The following ERC2 variants were observed in gnomAD, a reference collection of about 807,000 sequenced individuals.
The protein encoded by ERC2 is ELKS/RAB6-interacting/CAST family member 2, also known as ERC protein 2.
In ERC2, 42 loss-of-function variants were observed where a neutral mutation model predicts 114.8. That is an observed-to-expected ratio of 0.37 (90% confidence interval 0.29 to 0.47). The LOEUF is 0.47. ERC2 is among the 20% of genes least tolerant of loss of function. The pLI, the probability that ERC2 is intolerant of heterozygous loss-of-function variation, is 0.99. For missense variants in ERC2, 939 were observed against 1,150.7 expected, an observed-to-expected ratio of 0.82 and a Z score of 2.66; for synonymous variants, 454 against 425.5, an observed-to-expected ratio of 1.07 and a Z score of -0.82.
At chr3:56,368,807 T>C (rs998017929) in intron 2 of ERC2, among the ~76,000 whole-genome samples, 1 of 151,846 alleles carries the variant, frequency 6.6e-6, no homozygotes, top group Admixed American at 6.6e-5. Context: ...TTCTTGTCTA[T>C]TGAGAAAAAA....
intron 3 of ERC2, among the ~76,000 whole-genome samples, chr3:56,248,046 C>A (rs2051841956): frequency 6.6e-6 from 1 of 152,066 alleles, no homozygotes; most frequent in African/African-American, 2.4e-5. Context: ...TCTAATAATT[C>A]TTGTAATTTT....
chr3:56,435,094 T>A lies in ERC2; in HGVS notation c.-87A>T, dbSNP rs1302783973. ...CTAATATTTCCACGATTGTCCAGAA[T>A]TTTCACCGCATTCTTTTCACAGTCC... On this transcript the variant is annotated 5_prime_UTR_variant, in exon 2 of 18. Coordinates refer to ENST00000288221, the MANE Select transcript of ERC2 (RefSeq NM_015576.3). The A allele has an allele frequency of 1.0e-6, 1 of 991,318 alleles. No individual in the cohort carries two copies. Among genetic ancestry groups the A allele is most frequent in the Non-Finnish European group, 1.5e-6 (1 of 688,254 alleles). 61.4% of individuals were successfully genotyped at this position (991,318 alleles called of 1,614,324 possible).
chr3:55,944,150 C>A (rs913375881), intron 13 of ERC2, among the ~76,000 whole-genome samples: 1 of 152,222 alleles, frequency 6.6e-6, no homozygotes, highest in African/African-American at 2.4e-5. Flanking sequence ...CAAGGCTTGT[C>A]ATTTCAAACT....
intron 2 of ERC2, among the ~76,000 whole-genome samples, chr3:56,420,923 A>AAAGG (rs1559479075): frequency 6.6e-6 from 1 of 151,924 alleles, no homozygotes; most frequent in Non-Finnish European, 1.5e-5. Context: ...AGAAAGAAAG[A>AAAGG]AAGAAACTAA....
At chr3:55,586,557 C>T (rs2057613975) in intron 17 of ERC2, among the ~76,000 whole-genome samples, 1 of 152,154 alleles carries the variant, frequency 6.6e-6, no homozygotes, top group Non-Finnish European at 1.5e-5. Flanking sequence ...ACTGTCATTT[C>T]CAACTGTTCT....
intron 3 of ERC2, among the ~76,000 whole-genome samples, chr3:56,235,888 C>T (rs181319244): frequency 7.0e-4 from 107 of 152,224 alleles, no homozygotes; most frequent in Non-Finnish European, 1.1e-3. Flanking sequence ...GTCAACAATC[C>T]CTTTCATTTT....
At chr3:55,591,808 AT>A (rs1449802069) in intron 17 of ERC2, among the ~76,000 whole-genome samples, 1 of 151,908 alleles carries the variant, frequency 6.6e-6, no homozygotes, top group Non-Finnish European at 1.5e-5. Flanking sequence ...GGTACATTCT[AT>A]TTTTCCCATT....
intron 12 of ERC2, among the ~76,000 whole-genome samples, chr3:55,983,382 C>T (rs1188841025): frequency 1.3e-5 from 2 of 152,164 alleles, no homozygotes; most frequent in African/African-American, 2.4e-5. Flanking sequence ...GTAAACCCTC[C>T]CCCGAGTACA....
intron 2 of ERC2, among the ~76,000 whole-genome samples, chr3:56,418,976 A>G (rs908151482): frequency 4.6e-5 from 7 of 152,346 alleles, no homozygotes; most frequent in South Asian, 4.1e-4. Context: ...CCCTAGACCA[A>G]ACTTCATGCT....
intron 2 of ERC2, among the ~76,000 whole-genome samples, chr3:56,300,709 A>G (rs1050582818): frequency 6.6e-6 from 1 of 152,250 alleles, no homozygotes; most frequent in Admixed American, 6.5e-5. Context: ...CACTTAATGC[A>G]TAAGAAAATG....
intron 14 of ERC2, among the ~76,000 whole-genome samples, chr3:55,756,771 A>G (rs1340861142): frequency 6.6e-6 from 1 of 152,010 alleles, no homozygotes; most frequent in African/African-American, 2.4e-5. Flanking sequence ...AGTCCTTTTT[A>G]CCTCCTTAAA....
At chr3:56,257,230 G>A (rs1363228032) in intron 3 of ERC2, among the ~76,000 whole-genome samples, 1 of 152,014 alleles carries the variant, frequency 6.6e-6, no homozygotes, top group East Asian at 1.9e-4. Context: ...AATTGTGCTT[G>A]GTTCAACAAT....
At chr3:55,941,193 G>A (rs2066761225) in intron 13 of ERC2, among the ~76,000 whole-genome samples, 1 of 152,110 alleles carries the variant, frequency 6.6e-6, no homozygotes, top group African/African-American at 2.4e-5. Flanking sequence ...TTATTAAGCT[G>A]GGTGGGTAAG....
intron 17 of ERC2, among the ~76,000 whole-genome samples, chr3:55,634,891 C>CTTT (rs57622078): frequency 1.4e-5 from 2 of 147,746 alleles, no homozygotes; most frequent in Admixed American, 6.7e-5. Flanking sequence ...TTTATTATTT[C>CTTT]TTTTTTTTTT....
intron 4 of ERC2, among the ~76,000 whole-genome samples, chr3:56,155,859 G>T (rs543628142): frequency 6.6e-6 from 1 of 152,306 alleles, no homozygotes; most frequent in South Asian, 2.1e-4. Context: ...GAGCATGTAT[G>T]TATCAAGGAA....
chr3:55,734,809 G>A lies in ERC2; in HGVS notation c.2674C>T (p.Arg892Trp), dbSNP rs367719934. The A allele has an allele frequency of 1.7e-5, 28 of 1,612,832 alleles. No homozygotes were observed. Among genetic ancestry groups the A allele is most frequent in the East Asian group, 2.2e-5 (1 of 44,850 alleles). ...KTQEEVMALK[R>W]EKDRLVHQLK... ...TGATGTACTAGTCGGTCTTTTTCCC[G>A]CTTGAGGGCCATGACTTCTTCCTGC... The change falls in exon 15 of 18, where the codon CGG (arginine) becomes TGG (tryptophan). Residue 892 changes from arginine (R) to tryptophan (W), a missense_variant. Arg to Trp is a moderately radical substitution (Grantham distance 101, BLOSUM62 -3). Transcript: ENST00000288221.
intron 2 of ERC2, among the ~76,000 whole-genome samples, chr3:56,389,255 C>T (rs1171947449): frequency 2.6e-5 from 4 of 152,044 alleles, no homozygotes; most frequent in Non-Finnish European, 4.4e-5. Flanking sequence ...CTGGAGAAAT[C>T]GTGCTAGTCA....
At chr3:55,979,948 C>CA (rs1553760721) in intron 12 of ERC2, among the ~76,000 whole-genome samples, 1 of 143,420 alleles carries the variant, frequency 7.0e-6, no homozygotes, top group Non-Finnish European at 1.5e-5. Flanking sequence ...ATCTCTTCTT[C>CA]TTTTTTTTTC....
intron 13 of ERC2, among the ~76,000 whole-genome samples, chr3:55,893,098 G>A (rs1306898736): frequency 6.6e-6 from 1 of 152,108 alleles, no homozygotes; most frequent in Non-Finnish European, 1.5e-5. Flanking sequence ...ACCCAGGAGA[G>A]GGCCCTCACC....
Sources: allele counts gnomAD v4.1 joint callset (sites outside exome capture counted in the v4.1 genomes callset), GRCh38; gene constraint gnomAD v4.1.1; transcripts MANE v1.5; gene names NCBI Gene and HGNC (gene_info 2026-07-23, HGNC 2026-07-21).